RAB7A: variants seen among roughly 807,000 people sequenced by gnomAD.
RAB7A encodes RAB7A, member RAS oncogene family.
RAB7A carries 2 observed loss-of-function variants against 24.5 expected under a neutral mutation model. The observed-to-expected ratio is 0.08, with a 90% confidence interval of 0.03 to 0.26. The LOEUF (loss-of-function observed/expected upper bound fraction) is 0.26, where lower values mean the gene tolerates loss of function less well. Among genes scored for constraint, RAB7A ranks in the 10% least tolerant of loss-of-function variants. The pLI, the probability that RAB7A is intolerant of heterozygous loss-of-function variation, is 1.00. For synonymous variants in RAB7A, 100 were observed against 95.9 expected, an observed-to-expected ratio of 1.04 and a Z score of -0.25; for missense variants, 118 against 255.7, an observed-to-expected ratio of 0.46 and a Z score of 3.67.
chr3:128,778,587 A>G (rs1358792512), intron 1 of RAB7A, among the ~76,000 whole-genome samples: 1 of 152,236 alleles, frequency 6.6e-6, no homozygotes, highest in Non-Finnish European at 1.5e-5. Flanking sequence ...ATTATTCAGA[A>G]CTTCAGAACT....
At chr3:128,754,252 T>C (rs1437834887) in intron 1 of RAB7A, among the ~76,000 whole-genome samples, 2 of 152,194 alleles carry the variant, frequency 1.3e-5, no homozygotes, top group Admixed American at 1.3e-4. Context: ...CATTGAGATG[T>C]AGTTTTGTGG....
intron 1 of RAB7A, among the ~76,000 whole-genome samples, chr3:128,750,866 A>G (rs1264028737): frequency 6.6e-6 from 1 of 152,188 alleles, no homozygotes; most frequent in African/African-American, 2.4e-5. Context: ...GGCCGGGCCT[A>G]GGGTCCCCGT....
At chr3:128,789,390 C>T (rs1167486374) in intron 1 of RAB7A, among the ~76,000 whole-genome samples, 4 of 150,034 alleles carry the variant, frequency 2.7e-5, no homozygotes, top group African/African-American at 4.9e-5. Context: ...GGCTGGAGCG[C>T]AGTGATGCGA....
intron 1 of RAB7A, among the ~76,000 whole-genome samples, chr3:128,727,060 G>A (rs1233014946): frequency 2.6e-5 from 4 of 152,204 alleles, no homozygotes; most frequent in Admixed American, 2.6e-4. Flanking sequence ...CGTGTTTGGG[G>A]CCTCTTTCTG....
chr3:128,733,432 A>G (rs913443987), intron 1 of RAB7A, among the ~76,000 whole-genome samples: 1 of 152,214 alleles, frequency 6.6e-6, no homozygotes, highest in Non-Finnish European at 1.5e-5. Flanking sequence ...GTATTTAAGT[A>G]AAAAGACTGA....
intron 1 of RAB7A, among the ~76,000 whole-genome samples, chr3:128,777,869 G>T (rs2107603848): frequency 6.6e-6 from 1 of 152,192 alleles, no homozygotes; most frequent in South Asian, 2.1e-4. Context: ...TTACAGGTGT[G>T]CACCTGGCTA....
At chr3:128,742,236 C>T (rs1055327772) in intron 1 of RAB7A, among the ~76,000 whole-genome samples, 12 of 151,972 alleles carry the variant, frequency 7.9e-5, no homozygotes, top group South Asian at 6.2e-4. Context: ...CCGGTGGGTT[C>T]GTGATCTCGC....
At chr3:128,798,376 T>C (rs1933620184) in intron 3 of RAB7A, 16 of 347,696 alleles carry the variant, frequency 4.6e-5, no homozygotes, top group South Asian at 3.3e-4. Flanking sequence ...TTTGGCAACC[T>C]GCAGGTCTCT....
chr3:128,766,543 G>A (rs1213503248), intron 1 of RAB7A, among the ~76,000 whole-genome samples: 3 of 152,130 alleles, frequency 2.0e-5, no homozygotes, highest in South Asian at 2.1e-4. Context: ...GATTTTCTTG[G>A]GGGAAGAGAA....
chr3:128,786,006 A>G (rs1933332300), intron 1 of RAB7A, among the ~76,000 whole-genome samples: 1 of 152,192 alleles, frequency 6.6e-6, no homozygotes, highest in African/African-American at 2.4e-5. Flanking sequence ...GGCCAGAGCC[A>G]TCCACTCATC....
chr3:128,778,930 GAGA>G (rs1346239539), intron 1 of RAB7A, among the ~76,000 whole-genome samples: 2 of 152,150 alleles, frequency 1.3e-5, no homozygotes, highest in Non-Finnish European at 2.9e-5. Flanking sequence ...ACAAGGCAGG[GAGA>G]AGAACTACAC....
At chr3:128,807,722 C>G in intron 5 of RAB7A, 51 bp downstream of exon 5, 1 of 1,612,914 alleles carries the variant, frequency 6.2e-7, no homozygotes, top group South Asian at 1.1e-5. Flanking sequence ...TGACCACTGA[C>G]CCAGTCCCTG....
Position 128,813,862 on chromosome 3 carries a change from TCCCCTCCCTCC to T in RAB7A, c.*441_*451del. 1 of 255,606 alleles carries T rather than the reference TCCCCTCCCTCC, an allele frequency of 3.9e-6. No homozygotes were observed. The highest frequency in any genetic ancestry group is 9.7e-5 in the East Asian group (1 of 10,310). 15.8% of individuals were successfully genotyped at this position (255,606 alleles called of 1,614,324 possible). A position where few individuals can be genotyped will look rare whatever the true frequency, so the allele number is the denominator to read the frequency against. On this transcript the variant is annotated 3_prime_UTR_variant, in exon 6 of 6. Transcript: ENST00000265062. ...TCTTGTGGTCTTTTTACCCCCCCTT[TCCCCTCCCTCC>T]TTGAAGGCTACCCCTTGGGAAGGCT...
intron 1 of RAB7A, among the ~76,000 whole-genome samples, chr3:128,789,553 G>T (rs563430984): frequency 1.3e-5 from 2 of 151,848 alleles, no homozygotes; most frequent in East Asian, 3.9e-4. Context: ...GGCTGGTCTC[G>T]AACTCTTGAC....
At chr3:128,806,784 G>A (rs1262905213) in intron 4 of RAB7A, among the ~76,000 whole-genome samples, 194 bp downstream of exon 4, 2 of 152,184 alleles carry the variant, frequency 1.3e-5, no homozygotes, top group Non-Finnish European at 2.9e-5. Flanking sequence ...TCCCCATCCT[G>A]CCCCCAGCTG....
rs1320514833 is a variant in RAB7A, at chr3:128,807,591, C to A, written c.448C>A (p.Pro150Thr). 6.2e-7 allele frequency: 1 copy of A among 1,614,200 alleles called. No homozygotes were observed. The highest frequency in any genetic ancestry group is 1.7e-5 in the Admixed American group (1 of 60,022). The change falls in exon 5 of 6, where the codon CCC becomes ACC. Residue 150 changes from proline to threonine, a missense_variant. Physicochemically the swap from Pro to Thr is conservative, Grantham distance 38. Around this residue, in one of 2 missense-constraint regions of RAB7A, gnomAD observed 66 missense variants for 82.2 expected, o/e 0.80. Coordinates refer to ENST00000265062, the MANE Select transcript of RAB7A (RefSeq NM_004637.6). ...CTGGTGCTACAGCAAAAACAACATT[C>A]CCTACTTTGAGACCAGTGCCAAGGA... ...QAWCYSKNNI[P>T]YFETSAKEAI...
chr3:128,732,525 G>A (rs2070449168), intron 1 of RAB7A, among the ~76,000 whole-genome samples: 1 of 152,064 alleles, frequency 6.6e-6, no homozygotes, highest in South Asian at 2.1e-4. Context: ...TTCCTTTAAT[G>A]AGATTGAACT....
chr3:128,782,680 G>C (rs552845233), intron 1 of RAB7A, among the ~76,000 whole-genome samples: 79 of 102,038 alleles, frequency 7.7e-4, no homozygotes, highest in Admixed American at 2.5e-3. Context: ...ATGGCGGGGT[G>C]GGGGGTGGGG....
chr3:128,792,147 G>A (rs1365873525), intron 1 of RAB7A, among the ~76,000 whole-genome samples: 3 of 152,144 alleles, frequency 2.0e-5, no homozygotes, highest in Admixed American at 1.3e-4. Context: ...GTGGTCTCAC[G>A]GTCACTGCTT....
Sources: gnomAD v4.1 joint callset for allele counts (sites outside exome capture counted in the v4.1 genomes callset) on GRCh38, gnomAD v4.1.1 for gene constraint, gnomAD v4.1.1 regional missense constraint, MANE v1.5 for transcripts, NCBI Gene and HGNC (gene_info 2026-07-23, HGNC 2026-07-21) for gene names.